TAS2R1: variants seen among roughly 807,000 people sequenced by gnomAD.
The protein encoded by TAS2R1 is taste receptor type 2 member 1.
For missense variants in TAS2R1, 370 were observed against 353.4 expected (o/e 1.05, Z -0.38); for synonymous variants, 141 against 134.2 (o/e 1.05, Z -0.35).
chr5:9,663,520 T>C (rs1740576105), intron 1 of TAS2R1, among the ~76,000 whole-genome samples: 1 of 152,220 alleles, frequency 6.6e-6, no homozygotes, highest in South Asian at 2.1e-4. Context: ...TACTAATATT[T>C]ACCTGAACCC....
At chr5:9,675,908 G>A (rs370482101) in intron 1 of TAS2R1, among the ~76,000 whole-genome samples, 2 of 152,114 alleles carry the variant, frequency 1.3e-5, no homozygotes, top group African/African-American at 2.4e-5. Context: ...TAAGTGGTAC[G>A]AGTGGGAATC....
chr5:9,651,963 T>C (rs1185297001), intron 2 of TAS2R1, among the ~76,000 whole-genome samples: 4 of 152,212 alleles, frequency 2.6e-5, no homozygotes, highest in Non-Finnish European at 5.9e-5. Context: ...CTTGATCTGA[T>C]TTTTGTCATG....
the TAS2R1 span, among the ~76,000 whole-genome samples, chr5:9,817,644 A>G: frequency 1.3e-5 from 2 of 152,182 alleles, no homozygotes; most frequent in Non-Finnish European, 2.9e-5. Flanking sequence ...GCAAAACAAA[A>G]CTAGAAGATA....
the TAS2R1 span, among the ~76,000 whole-genome samples, chr5:9,781,058 A>G: frequency 3.5e-4 from 54 of 152,322 alleles, no homozygotes; most frequent in Non-Finnish European, 6.6e-4. Context: ...TATGTAGGAT[A>G]TATATCCTAT....
At chr5:9,810,562 A>AG in the TAS2R1 span, among the ~76,000 whole-genome samples, 1 of 152,144 alleles carries the variant, frequency 6.6e-6, no homozygotes, top group African/African-American at 2.4e-5. Flanking sequence ...AGTAGGTTTC[A>AG]GGGGGGCATG....
the TAS2R1 span, among the ~76,000 whole-genome samples, chr5:9,770,328 A>C: frequency 6.6e-6 from 1 of 152,156 alleles, no homozygotes; most frequent in Non-Finnish European, 1.5e-5. Flanking sequence ...CAATAATTTG[A>C]AATCAAGTGA....
chr5:9,886,685 T>C, the TAS2R1 span, among the ~76,000 whole-genome samples: 4 of 152,238 alleles, frequency 2.6e-5, no homozygotes, highest in African/African-American at 9.6e-5. Flanking sequence ...AACACCTATA[T>C]GAAGACATAA....
At chr5:9,641,685 T>G (rs1023973881) in intron 2 of TAS2R1, among the ~76,000 whole-genome samples, 1 of 152,256 alleles carries the variant, frequency 6.6e-6, no homozygotes, top group Non-Finnish European at 1.5e-5. Flanking sequence ...CCACAGATGT[T>G]GGTCATGCTC....
the TAS2R1 span, among the ~76,000 whole-genome samples, chr5:9,796,730 A>G: frequency 6.6e-6 from 1 of 150,532 alleles, no homozygotes; most frequent in Non-Finnish European, 1.5e-5. Context: ...GGAAAAAAAA[A>G]AAAAAAAAAG....
chr5:9,645,066 A>C (rs1740160518), intron 2 of TAS2R1, among the ~76,000 whole-genome samples: 1 of 152,188 alleles, frequency 6.6e-6, no homozygotes, highest in Non-Finnish European at 1.5e-5. Context: ...CACCAGAACA[A>C]ATTAAATAAC....
At chr5:9,732,972 G>A in the TAS2R1 span, among the ~76,000 whole-genome samples, 1 of 152,086 alleles carries the variant, frequency 6.6e-6, no homozygotes, top group East Asian at 1.9e-4. Context: ...GATTAAATGA[G>A]GCCCACACAT....
chr5:9,749,820 A>G, the TAS2R1 span, among the ~76,000 whole-genome samples: 1 of 152,204 alleles, frequency 6.6e-6, no homozygotes, highest in Non-Finnish European at 1.5e-5. Flanking sequence ...GGATCCAGCA[A>G]CCTTGGAGAA....
chr5:9,652,739 G>T (rs528950336), intron 2 of TAS2R1, among the ~76,000 whole-genome samples: 4 of 152,180 alleles, frequency 2.6e-5, no homozygotes, highest in African/African-American at 9.6e-5. Flanking sequence ...TTTTCTAAAA[G>T]ATTACAATGC....
At chr5:9,651,905 A>G (rs892662560) in intron 2 of TAS2R1, among the ~76,000 whole-genome samples, 4 of 152,150 alleles carry the variant, frequency 2.6e-5, no homozygotes, top group Non-Finnish European at 2.9e-5. Flanking sequence ...CCATCTCCCC[A>G]TCTGTACCAG....
chr5:9,701,483 A>G (rs1164152509), intron 1 of TAS2R1, among the ~76,000 whole-genome samples: 1 of 152,164 alleles, frequency 6.6e-6, no homozygotes, highest in Admixed American at 6.6e-5. Flanking sequence ...CCTCCTCAGT[A>G]TCTTACAGAT....
the TAS2R1 span, among the ~76,000 whole-genome samples, chr5:9,753,599 GT>G: frequency 6.6e-6 from 1 of 152,114 alleles, no homozygotes. Context: ...TGCTTTTGGT[GT>G]TTTAGACATG....
the TAS2R1 span, among the ~76,000 whole-genome samples, chr5:9,868,576 G>C: frequency 6.6e-6 from 1 of 152,176 alleles, no homozygotes; most frequent in African/African-American, 2.4e-5. Flanking sequence ...CAGAGCCTGT[G>C]ATGGGAGGGA....
chr5:9,877,359 C>G, the TAS2R1 span, among the ~76,000 whole-genome samples: 4 of 152,236 alleles, frequency 2.6e-5, no homozygotes, highest in South Asian at 2.1e-4. Context: ...AAAACTCTTT[C>G]TATATGGAAA....
chr5:9,833,520 C>A, the TAS2R1 span, among the ~76,000 whole-genome samples: 1 of 152,056 alleles, frequency 6.6e-6, no homozygotes, highest in East Asian at 1.9e-4. Context: ...TGAAAAGATG[C>A]CCTGATGCTG....
Sources: allele counts gnomAD v4.1 joint callset (sites outside exome capture counted in the v4.1 genomes callset), GRCh38; gene constraint gnomAD v4.1.1; transcripts MANE v1.5; gene names NCBI Gene and HGNC (gene_info 2026-07-23, HGNC 2026-07-21).